The following TDRD7 variants were observed in gnomAD, a reference collection of about 807,000 sequenced individuals.
The protein encoded by TDRD7 is tudor domain-containing protein 7.
Under a neutral mutation model 109.8 loss-of-function variants are expected in TDRD7, and 47 were observed. That is an observed-to-expected ratio of 0.43 (90% CI 0.34 to 0.55). The LOEUF is 0.55. Ranked by LOEUF, TDRD7 falls within the 20% of genes least tolerant of loss-of-function variation. The pLI, the probability that TDRD7 is intolerant of heterozygous loss-of-function variation, is 0.03. For synonymous variants in TDRD7, 424 were observed against 457.3 expected, an observed-to-expected ratio of 0.93 and a Z score of 0.93; for missense variants, 1,164 against 1,319.2, an observed-to-expected ratio of 0.88 and a Z score of 1.82.
intron 7 of TDRD7, among the ~76,000 whole-genome samples, chr9:97,461,447 C>T (rs1371486677): frequency 6.6e-6 from 1 of 152,170 alleles, no homozygotes; most frequent in African/African-American, 2.4e-5. Context: ...GAGCTGCTTT[C>T]CTTGTATAAT....
At chr9:97,433,643 T>C (rs1020394719) in intron 4 of TDRD7, among the ~76,000 whole-genome samples, 4 of 151,768 alleles carry the variant, frequency 2.6e-5, no homozygotes, top group Non-Finnish European at 5.9e-5. Context: ...ATATTCAAAA[T>C]ATAGAGAACT....
chr9:97,477,579 G>T (rs1260638415), intron 12 of TDRD7, among the ~76,000 whole-genome samples: 2 of 151,922 alleles, frequency 1.3e-5, no homozygotes, highest in Non-Finnish European at 2.9e-5. Context: ...TTATCAAATT[G>T]TATATTGTCT....
intron 14 of TDRD7, among the ~76,000 whole-genome samples, chr9:97,482,101 G>C (rs1829125985): frequency 6.6e-6 from 1 of 152,204 alleles, no homozygotes; most frequent in South Asian, 2.1e-4. Context: ...ACACACAGCA[G>C]TACAGTCCCA....
rs561434958 is a variant in TDRD7, at chr9:97,445,783, G to C, written c.855+3908G>C. ...TGGAAACACAGCGGGTCTCAGCCTT[G>C]AGGTCACCCAGGATCCATGGCCTCT... On this transcript the variant is annotated intron_variant, in intron 6 of 16. Coordinates refer to ENST00000355295, the MANE Select transcript of TDRD7 (RefSeq NM_014290.3). 3.3e-5 allele frequency among the ~76,000 whole-genome samples: 5 copies of C among 152,248 alleles called. No individual in the cohort carries two copies. The South Asian group carries it at 1.0e-3, about 32-fold the overall frequency.
At chr9:97,425,968 A>G (rs973535727) in intron 1 of TDRD7, among the ~76,000 whole-genome samples, 12 of 152,204 alleles carry the variant, frequency 7.9e-5, no homozygotes, top group African/African-American at 2.9e-4. Flanking sequence ...TGCTATTAAC[A>G]TTCAGATAAA....
chr9:97,453,661 A>G (rs964002379), intron 6 of TDRD7, among the ~76,000 whole-genome samples: 10 of 152,158 alleles, frequency 6.6e-5, no homozygotes, highest in African/African-American at 1.7e-4. Flanking sequence ...CTTACATGCA[A>G]AGACACACAC....
intron 15 of TDRD7, 86 bp from the exon 16 acceptor site, chr9:97,487,086 C>G (rs767198249): frequency 7.1e-6 from 10 of 1,412,548 alleles, no homozygotes; most frequent in Non-Finnish European, 9.9e-6. Flanking sequence ...ATTAATTTTT[C>G]TTTTTATCAT....
intron 7 of TDRD7, among the ~76,000 whole-genome samples, chr9:97,462,805 T>A (rs1828748437): frequency 6.6e-6 from 1 of 152,232 alleles, no homozygotes; most frequent in African/African-American, 2.4e-5. Context: ...ATCTTCCCCC[T>A]ATCTGTGCAG....
intron 4 of TDRD7, among the ~76,000 whole-genome samples, chr9:97,437,633 G>A (rs913940487): frequency 3.9e-5 from 6 of 152,224 alleles, no homozygotes; most frequent in Admixed American, 1.3e-4. Flanking sequence ...ACCACGGTCC[G>A]TTTCTCAACT....
chr9:97,428,406 G>A, intron 1 of TDRD7, 54 bp from the exon 2 acceptor site: 1 of 1,545,946 alleles, frequency 6.5e-7, no homozygotes. Flanking sequence ...AAATCTATTT[G>A]AATTCACAAA....
At chr9:97,468,719 C>T (rs1828862378) in intron 8 of TDRD7, among the ~76,000 whole-genome samples, 1 of 152,208 alleles carries the variant, frequency 6.6e-6, no homozygotes, top group Non-Finnish European at 1.5e-5. Flanking sequence ...TTGGCCTGAC[C>T]CAGGCCCACA....
chr9:97,445,408 A>G (rs1196236603), intron 6 of TDRD7, among the ~76,000 whole-genome samples: 4 of 152,226 alleles, frequency 2.6e-5, no homozygotes, highest in Non-Finnish European at 5.9e-5. Flanking sequence ...TCCAATGGGA[A>G]AATAAACATT....
intron 8 of TDRD7, among the ~76,000 whole-genome samples, chr9:97,469,591 G>A (rs929348541): frequency 6.6e-6 from 1 of 152,138 alleles, no homozygotes. Flanking sequence ...TGGTATTAAG[G>A]CCAAGACTTT....
At chr9:97,465,701 CA>C (rs1296080286) in intron 8 of TDRD7, among the ~76,000 whole-genome samples, 1 of 151,956 alleles carries the variant, frequency 6.6e-6, no homozygotes, top group Non-Finnish European at 1.5e-5. Context: ...GCTGTGTGGT[CA>C]GTTGTACTAG....
At position 97,470,035 on chromosome 9, in the gene TDRD7, G is replaced by A. The variant is rs114975948; in HGVS notation, c.1630-523G>A. 8.2e-3 allele frequency among the ~76,000 whole-genome samples: 1,241 copies of A among 152,182 alleles called. 14 individuals are homozygous for A. Among genetic ancestry groups the A allele is most frequent in the African/African-American group, 0.027 (1,141 of 41,512 alleles). ...ATTGTTGTCATTGATGAAGCATCTCGGTCCCTGGAAGCACAGTAGCTGAGA... is the reference window on the plus strand; with the variant it reads ...ATTGTTGTCATTGATGAAGCATCTCAGTCCCTGGAAGCACAGTAGCTGAGA... On this transcript the variant is annotated intron_variant, in intron 8 of 16. Coordinates refer to ENST00000355295, the MANE Select transcript of TDRD7 (RefSeq NM_014290.3).
intron 12 of TDRD7, among the ~76,000 whole-genome samples, chr9:97,476,836 A>T (rs1258651885): frequency 6.6e-6 from 1 of 152,168 alleles, no homozygotes; most frequent in East Asian, 1.9e-4. Flanking sequence ...TAAATGCTGC[A>T]CAGCAACATT....
rs774801020 is a variant in TDRD7, at chr9:97,495,993, G to C, written c.*110G>C. 1 of 856,206 alleles carries C rather than the reference G, an allele frequency of 1.2e-6. No homozygotes were observed. Among genetic ancestry groups the C allele is most frequent in the Non-Finnish European group, 1.9e-6 (1 of 514,854 alleles). The allele number at this position is 856,206 out of a possible 1,614,324, so 53.0% of individuals were successfully genotyped here. ...CTACATGGCTCTGACTGCTGTGGGG[G>C]ATTGAAAAGAATATGCTTATGTTTG... is the stretch of plus-strand genomic sequence containing the variant. On this transcript the variant is annotated 3_prime_UTR_variant, in exon 17 of 17. Transcript: ENST00000355295.
intron 4 of TDRD7, 87 bp from the exon 5 acceptor site, chr9:97,439,158 A>C: frequency 1.0e-6 from 1 of 974,590 alleles, no homozygotes; most frequent in Non-Finnish European, 1.4e-6. Flanking sequence ...TGCCACTGAG[A>C]CTTTAAATGA....
At chr9:97,422,466 G>C (rs1026225649) in intron 1 of TDRD7, among the ~76,000 whole-genome samples, 5 of 152,106 alleles carry the variant, frequency 3.3e-5, no homozygotes, top group African/African-American at 1.2e-4. Flanking sequence ...TGATCTATAT[G>C]ATTGTTCTTT....
Sources: gnomAD v4.1 joint callset for allele counts (sites outside exome capture counted in the v4.1 genomes callset) on GRCh38, gnomAD v4.1.1 for gene constraint, MANE v1.5 for transcripts, NCBI Gene and HGNC (gene_info 2026-07-23, HGNC 2026-07-21) for gene names.